C2CD3: variants seen among roughly 807,000 people sequenced by gnomAD.
C2CD3 encodes the protein C2 domain-containing protein 3.
C2CD3 carries 148 observed loss-of-function variants against 234.0 expected under a neutral mutation model. That is an observed-to-expected ratio of 0.63 (90% confidence interval 0.55 to 0.72). The LOEUF is 0.72. Among genes scored for constraint, C2CD3 ranks in the 30% least tolerant of loss-of-function variants. The probability of loss-of-function intolerance (pLI) is 0.00; values close to 1 mark genes in which losing one functional copy is unlikely to be tolerated. For missense variants in C2CD3, 2,577 were observed against 2,811.5 expected (o/e 0.92, Z 1.89); for synonymous variants, 1,000 against 1,035.4 (o/e 0.97, Z 0.66).
At chr11:74,014,297 T>C (rs557024256) in intron 32 of C2CD3, among the ~76,000 whole-genome samples, 1 of 152,226 alleles carries the variant, frequency 6.6e-6, no homozygotes, top group East Asian at 1.9e-4. Context: ...GAGGGGGCAG[T>C]TCTGAAAGGA....
At chr11:74,085,929 A>G (rs1955626155) in intron 20 of C2CD3, 43 bp from the exon 21 acceptor site, 1 of 1,543,620 alleles carries the variant, frequency 6.5e-7, no homozygotes, top group Admixed American at 2.1e-5. Flanking sequence ...CCATGGTAAC[A>G]TTAGAAATCA....
intron 3 of C2CD3, among the ~76,000 whole-genome samples, chr11:74,151,061 G>A (rs887596623): frequency 6.6e-6 from 1 of 151,708 alleles, no homozygotes; most frequent in Non-Finnish European, 1.5e-5. Context: ...GAGTAGCTAG[G>A]ATTATAGACG....
At chr11:74,113,629 G>C (rs1262000222) in intron 11 of C2CD3, 151 bp downstream of exon 11, 1 of 650,602 alleles carries the variant, frequency 1.5e-6, no homozygotes, top group Non-Finnish European at 2.8e-6. Context: ...GCAGTGAGCA[G>C]AGATTGCGCC....
chr11:74,110,502 C>G (rs913769132), intron 11 of C2CD3: 1 of 152,218 alleles, frequency 6.6e-6, no homozygotes, highest in African/African-American at 2.4e-5. Flanking sequence ...TCCACTAGAT[C>G]AGTTTATCTG....
chr11:74,117,203 T>C lies in C2CD3; in HGVS notation c.1520+1025A>G, dbSNP rs1284321363. 1.2e-3 allele frequency among the ~76,000 whole-genome samples: 95 copies of C among 81,570 alleles called. 1 individual carries two copies. Among genetic ancestry groups the C allele is most frequent in the Admixed American group, 2.3e-3 (16 of 6,852 alleles). The allele number at this position is 81,570 out of a possible 152,430, so 53.5% of individuals were successfully genotyped here. On this transcript the variant is annotated intron_variant, in intron 9 of 32. Transcript: ENST00000334126. ...ATATATGAATATATATATATGAATA[T>C]ATATATATGAATATATATATATGAA...
chr11:74,097,903 T>C, intron 16 of C2CD3, 106 bp downstream of exon 16: 2 of 1,137,972 alleles, frequency 1.8e-6, no homozygotes, highest in South Asian at 1.5e-5. Flanking sequence ...TTATGTTCTT[T>C]TGTTGAGCCT....
chr11:74,095,096 A>G, intron 17 of C2CD3, 132 bp downstream of exon 17: 1 of 462,408 alleles, frequency 2.2e-6, no homozygotes, highest in Non-Finnish European at 3.6e-6. Flanking sequence ...AACTTGGCCT[A>G]TCTCCTGTTT....
intron 20 of C2CD3, 21 bp from the exon 21 acceptor site, chr11:74,085,907 A>C (rs749708806): frequency 1.3e-6 from 2 of 1,591,560 alleles, no homozygotes; most frequent in South Asian, 2.2e-5. Context: ...GAAGGGTGGA[A>C]ATGAGAAGAT....
chr11:74,048,297 C>T lies in C2CD3; in HGVS notation c.5403G>A (p.Thr1801=), dbSNP rs115658160. The T allele has an allele frequency of 6.9e-4, 1,120 of 1,613,542 alleles. 6 individuals carry two copies. In the African/African-American group the frequency reaches 0.012, roughly 18 times the overall value. ...YSPFSFPASD[T]YAAFSSHMAR... ...CCATGTGGCTGGAGAATGCAGCATA[C>T]GTATCAGAGGCAGGGAAGGAAAAGG... Residue 1801 remains threonine, a synonymous_variant, in exon 28 of 33, where the codon ACG becomes ACA. Coordinates refer to ENST00000334126, the MANE Select transcript of C2CD3 (RefSeq NM_001286577.2).
rs1231533279 is a variant in C2CD3, at chr11:74,113,780, T to A, written c.1843A>T (p.Lys615Ter). 1 of 1,569,960 alleles carries A rather than the reference T, an allele frequency of 6.4e-7. No individual in the cohort carries two copies. Among genetic ancestry groups the A allele is most frequent in the Admixed American group, 1.7e-5 (1 of 59,956 alleles). The change falls in exon 11 of 33, where the codon AAG (lysine) becomes TAG (stop). Residue 615 changes from lysine (K) to a stop codon, truncating the protein, a stop_gained and splice_region_variant. Coordinates refer to ENST00000334126, the MANE Select transcript of C2CD3 (RefSeq NM_001286577.2). LOFTEE classifies it high-confidence loss of function. Reference protein sequence around the residue: ...RLASSKITDGKVKFQQRFVFP... With the variant: ...RLASSKITDG ...TGCAGAAAACCAGTGTGTCTCTTAC[T>A]TCCATCTGTAATTTTACTGGAGGCG...
At position 74,042,141 on chromosome 11, in the gene C2CD3, T is replaced by C; in HGVS notation, c.5573A>G (p.His1858Arg). The C allele has an allele frequency of 6.2e-7, 1 of 1,612,936 alleles. No individual in the cohort carries two copies. Among genetic ancestry groups the C allele is most frequent in the Non-Finnish European group, 8.5e-7 (1 of 1,179,930 alleles). ...QNIRRFHESL[H>R]LQGEAPLPCD... Reference sequence around the variant, plus strand: ...TGGCAAGGGTGCCTCTCCCTGAAGATGCAGGGATTCATGAAACCGGCGAAT... The same window carrying C: ...TGGCAAGGGTGCCTCTCCCTGAAGACGCAGGGATTCATGAAACCGGCGAAT... Residue 1858 changes from histidine to arginine, a missense_variant, in exon 29 of 33, where the codon CAT (histidine) becomes CGT (arginine). Transcript: ENST00000334126.
rs182984638 is a variant in C2CD3 at position 74,023,655 on chromosome 11, C to T, written c.6921+4632G>A. Among the ~76,000 whole-genome samples, 7 of 152,014 alleles carry T rather than the reference C, an allele frequency of 4.6e-5. No individual in the cohort carries two copies. The East Asian group carries it at 9.7e-4, about 21-fold the overall frequency. On this transcript the variant is annotated intron_variant, in intron 32 of 32. Coordinates refer to ENST00000334126, the MANE Select transcript of C2CD3 (RefSeq NM_001286577.2). ...TCTAAATCCCACACCCTTTCTTTTC[C>T]CCCTCTCCTTTTTCTCTCCCACTCC...
At chr11:74,108,985 C>T (rs757255092) in intron 12 of C2CD3, 49 bp downstream of exon 12, 11 of 910,482 alleles carry the variant, frequency 1.2e-5, no homozygotes, top group South Asian at 9.5e-5. Context: ...AGGTATCCTC[C>T]AAATCCCTAG....
chr11:74,114,189 G>GT (rs985772540), intron 10 of C2CD3, among the ~76,000 whole-genome samples, 195 bp downstream of exon 10: 56 of 152,114 alleles, frequency 3.7e-4, no homozygotes, highest in Admixed American at 3.3e-3. Flanking sequence ...AACAGAGTCT[G>GT]TATCTTAATT....
intron 32 of C2CD3, 126 bp from the exon 33 acceptor site, chr11:74,013,651 C>T: frequency 2.0e-6 from 1 of 489,228 alleles, no homozygotes; most frequent in Non-Finnish European, 3.3e-6. Flanking sequence ...TTACAAAGCG[C>T]TTTACGTACC....
chr11:74,134,059 T>C lies in C2CD3; in HGVS notation c.956-502A>G, dbSNP rs575013170. Among the ~76,000 whole-genome samples the C allele has an allele frequency of 2.0e-5, 3 of 152,152 alleles. No individual in the cohort carries two copies. The South Asian group carries it at 6.2e-4, about 32-fold the overall frequency. The stretch of plus-strand genomic sequence containing the variant: ...CATCCCTTAAGGGGTCCCACAACAA[T>C]AGCAGCAACACAAATCAGAGAATAC... On this transcript the variant is annotated intron_variant, in intron 5 of 32. Transcript: ENST00000334126.
At chr11:74,035,213 C>T (rs562973396) in intron 30 of C2CD3, among the ~76,000 whole-genome samples, 7 of 152,256 alleles carry the variant, frequency 4.6e-5, no homozygotes, top group Non-Finnish European at 7.4e-5. Context: ...GATTTTCAGG[C>T]CTCAAAGGAA....
At chr11:74,151,869 G>T (rs754439605) in intron 3 of C2CD3, among the ~76,000 whole-genome samples, 6 of 152,058 alleles carry the variant, frequency 3.9e-5, no homozygotes, top group Non-Finnish European at 5.9e-5. Context: ...AAGAAAAAAA[G>T]AAAATGTACA....
chr11:74,030,738 A>G (rs1952487292), intron 31 of C2CD3, among the ~76,000 whole-genome samples: 1 of 152,034 alleles, frequency 6.6e-6, no homozygotes, highest in Non-Finnish European at 1.5e-5. Context: ...CTCAGCCCTC[A>G]ACTTCACTCC....
Sources: gnomAD v4.1 joint callset for allele counts (sites outside exome capture counted in the v4.1 genomes callset) on GRCh38, gnomAD v4.1.1 for gene constraint, MANE v1.5 for transcripts, NCBI Gene and HGNC (gene_info 2026-07-23, HGNC 2026-07-21) for gene names.